Variants in RAPGEF4 observed in about 807,000 individuals in gnomAD.
RAPGEF4 encodes the protein Rap guanine nucleotide exchange factor 4.
In RAPGEF4, 66 loss-of-function variants were observed where a neutral mutation model predicts 147.9. That is an observed-to-expected ratio of 0.45 (90% CI 0.37 to 0.55). The LOEUF (loss-of-function observed/expected upper bound fraction) is 0.55, where lower values mean the gene tolerates loss of function less well. Ranked by LOEUF, RAPGEF4 falls within the 20% of genes least tolerant of loss-of-function variation. RAPGEF4 has a pLI of 0.00. For synonymous variants in RAPGEF4, 419 were observed against 442.7 expected (o/e 0.95, Z 0.67); for missense variants, 1,071 against 1,257.3 (o/e 0.85, Z 2.24).
chr2:172,829,352 G>T (rs1690033512), intron 4 of RAPGEF4, among the ~76,000 whole-genome samples: 1 of 152,184 alleles, frequency 6.6e-6, no homozygotes, highest in Non-Finnish European at 1.5e-5. Flanking sequence ...TCTTTTTCAT[G>T]TGTGTGTTAC....
At chr2:172,871,985 C>A (rs1461917471) in intron 4 of RAPGEF4, among the ~76,000 whole-genome samples, 1 of 152,110 alleles carries the variant, frequency 6.6e-6, no homozygotes, top group Non-Finnish European at 1.5e-5. Context: ...GTCCAGAATC[C>A]TTCCCATGAT....
intron 29 of RAPGEF4, among the ~76,000 whole-genome samples, chr2:173,037,659 T>C (rs1684215607): frequency 6.6e-6 from 1 of 152,196 alleles, no homozygotes; most frequent in African/African-American, 2.4e-5. Flanking sequence ...TTAATATCTC[T>C]GTGGGTGAGC....
At chr2:172,861,756 A>G (rs997292294) in intron 4 of RAPGEF4, among the ~76,000 whole-genome samples, 1 of 152,254 alleles carries the variant, frequency 6.6e-6, no homozygotes, top group Non-Finnish European at 1.5e-5. Flanking sequence ...TGCCAAATAT[A>G]TTAGACCGAC....
chr2:173,009,869 G>A (rs1694842003), intron 17 of RAPGEF4, among the ~76,000 whole-genome samples: 1 of 152,166 alleles, frequency 6.6e-6, no homozygotes, highest in Non-Finnish European at 1.5e-5. Context: ...TCAGGATTTG[G>A]GGGATCAATT....
chr2:172,834,633 G>A (rs147952153), intron 4 of RAPGEF4, among the ~76,000 whole-genome samples: 215 of 152,042 alleles, frequency 1.4e-3, no homozygotes, highest in African/African-American at 4.6e-3. Context: ...CTTCTAATTG[G>A]AACATTTGGG....
intron 4 of RAPGEF4, among the ~76,000 whole-genome samples, chr2:172,832,994 A>G (rs1300738028): frequency 1.3e-5 from 2 of 152,210 alleles, no homozygotes; most frequent in Non-Finnish European, 2.9e-5. Flanking sequence ...GCCTGAGGTC[A>G]GGAGTTCAAG....
chr2:172,865,928 C>T (rs1448187247), intron 4 of RAPGEF4, among the ~76,000 whole-genome samples: 5 of 152,116 alleles, frequency 3.3e-5, no homozygotes, highest in African/African-American at 1.2e-4. Flanking sequence ...TCTAGTCCCT[C>T]AGGTTAAGAT....
intron 1 of RAPGEF4, among the ~76,000 whole-genome samples, chr2:172,765,569 A>T (rs1696755435): frequency 6.6e-6 from 1 of 152,158 alleles, no homozygotes; most frequent in African/African-American, 2.4e-5. Context: ...GGTCCTGGGG[A>T]TGCTGGTGTC....
At chr2:172,792,102 G>A (rs1447139305) in intron 1 of RAPGEF4, among the ~76,000 whole-genome samples, 1 of 152,190 alleles carries the variant, frequency 6.6e-6, no homozygotes, top group African/African-American at 2.4e-5. Flanking sequence ...TGCTACCAGT[G>A]CTTCTGTGGC....
At chr2:172,856,871 T>C (rs1693471561) in intron 4 of RAPGEF4, among the ~76,000 whole-genome samples, 1 of 152,274 alleles carries the variant, frequency 6.6e-6, no homozygotes, top group East Asian at 1.9e-4. Context: ...TATCTGACTC[T>C]GGCCACACTG....
At chr2:172,956,779 G>A (rs1688787894) in intron 6 of RAPGEF4, among the ~76,000 whole-genome samples, 1 of 152,280 alleles carries the variant, frequency 6.6e-6, no homozygotes, top group African/African-American at 2.4e-5. Context: ...CCACAAAGTT[G>A]CTTTTTAAAA....
At chr2:172,980,632 T>G (rs2105639046) in intron 10 of RAPGEF4, among the ~76,000 whole-genome samples, 1 of 152,280 alleles carries the variant, frequency 6.6e-6, no homozygotes, top group East Asian at 1.9e-4. Context: ...TCTGCCATCT[T>G]TACCTCTCTT....
intron 4 of RAPGEF4, among the ~76,000 whole-genome samples, chr2:172,874,442 C>T (rs920576918): frequency 6.6e-5 from 10 of 152,086 alleles, no homozygotes; most frequent in Non-Finnish European, 1.3e-4. Flanking sequence ...TGTTCCCCTT[C>T]CTGTGTCCAA....
chr2:172,738,034 A>G (rs1384524564), intron 1 of RAPGEF4, among the ~76,000 whole-genome samples: 1 of 152,244 alleles, frequency 6.6e-6, no homozygotes, highest in African/African-American at 2.4e-5. Flanking sequence ...TAGGGCAGCA[A>G]TCTCATTGTA....
chr2:172,766,885 A>G (rs910368052), intron 1 of RAPGEF4, among the ~76,000 whole-genome samples: 1 of 152,218 alleles, frequency 6.6e-6, no homozygotes, highest in Non-Finnish European at 1.5e-5. Context: ...CATATACACA[A>G]TTCATTTATC....
At chr2:173,019,395 T>A (rs1695825375) in intron 22 of RAPGEF4, among the ~76,000 whole-genome samples, 1 of 152,236 alleles carries the variant, frequency 6.6e-6, no homozygotes, top group Non-Finnish European at 1.5e-5. Flanking sequence ...AAGGAAAGAA[T>A]GAGTTAGACA....
intron 5 of RAPGEF4, among the ~76,000 whole-genome samples, chr2:172,918,406 C>A (rs1025458793): frequency 6.6e-6 from 1 of 151,196 alleles, no homozygotes; most frequent in African/African-American, 2.4e-5. Context: ...CACACACACA[C>A]ACACAAAGTG....
chr2:172,903,509 G>C (rs566039414), intron 4 of RAPGEF4, among the ~76,000 whole-genome samples: 1 of 151,318 alleles, frequency 6.6e-6, no homozygotes, highest in African/African-American at 2.4e-5. Flanking sequence ...CTGCATTCCA[G>C]CCTGGGCGAC....
chr2:172,867,771 C>T (rs1694803552), intron 4 of RAPGEF4, among the ~76,000 whole-genome samples: 1 of 152,216 alleles, frequency 6.6e-6, no homozygotes, highest in Non-Finnish European at 1.5e-5. Flanking sequence ...AAGCTAATTT[C>T]CATCCAGGCC....
Sources: allele counts gnomAD v4.1 joint callset (sites outside exome capture counted in the v4.1 genomes callset), GRCh38; gene constraint gnomAD v4.1.1; transcripts MANE v1.5; gene names NCBI Gene and HGNC (gene_info 2026-07-23, HGNC 2026-07-21).